CSMD1: variants seen among roughly 807,000 people sequenced by gnomAD.
CSMD1 encodes the protein CUB and Sushi multiple domains 1.
A neutral mutation model predicts 417.5 loss-of-function variants in CSMD1; 213 were observed. That is an observed-to-expected ratio of 0.51 (90% confidence interval 0.46 to 0.57). The LOEUF (loss-of-function observed/expected upper bound fraction) is 0.57. CSMD1 is among the 20% of genes least tolerant of loss of function. The pLI is 0.00. For missense variants in CSMD1, 6,923 were observed against 4,529.7 expected (o/e 1.53, Z -15.17); for synonymous variants, 2,862 against 1,736.8 (o/e 1.65, Z -16.11).
rs141792265 is a variant in CSMD1, at chr8:4,409,376, A to G, written c.415+10577T>C. Among the ~76,000 whole-genome samples, 10 of 152,274 alleles carry G rather than the reference A, an allele frequency of 6.6e-5. No homozygotes were observed. In the East Asian group the frequency reaches 1.7e-3, roughly 26 times the overall value. On this transcript the variant is annotated intron_variant, in intron 3 of 69. Coordinates refer to ENST00000635120, the MANE Select transcript of CSMD1 (RefSeq NM_033225.6). Reference sequence around the variant, plus strand: ...CTCCTCGAATTGCCTCAGACTAACAAAAGATAATTTACCCTTTCTCAGTGA... The same window carrying G: ...CTCCTCGAATTGCCTCAGACTAACAGAAGATAATTTACCCTTTCTCAGTGA...
intron 2 of CSMD1, 71 bp from the exon 3 acceptor site, chr8:4,420,136 G>C: frequency 3.8e-6 from 4 of 1,064,788 alleles, no homozygotes; most frequent in Admixed American, 2.0e-5. Context: ...ATTTGATGAA[G>C]TCACTGAATA....
chr8:4,725,727 G>A (rs1330978049), intron 1 of CSMD1, among the ~76,000 whole-genome samples: 1 of 152,132 alleles, frequency 6.6e-6, no homozygotes, highest in Non-Finnish European at 1.5e-5. Context: ...AGATAACAGA[G>A]AAACAATTTG....
chr8:3,172,059 C>T (rs561089761), intron 37 of CSMD1, among the ~76,000 whole-genome samples: 10 of 152,188 alleles, frequency 6.6e-5, no homozygotes, highest in Non-Finnish European at 1.3e-4. Context: ...TGAGAATTCC[C>T]TTATGCAGTA....
chr8:4,521,756 A>G (rs1381667064), intron 2 of CSMD1, among the ~76,000 whole-genome samples: 1 of 152,190 alleles, frequency 6.6e-6, no homozygotes, highest in Admixed American at 6.6e-5. Flanking sequence ...GGCATAGATT[A>G]GAGAAAGCTC....
intron 5 of CSMD1, among the ~76,000 whole-genome samples, chr8:3,765,096 A>G (rs1434232778): frequency 6.6e-6 from 1 of 152,102 alleles, no homozygotes; most frequent in Non-Finnish European, 1.5e-5. Flanking sequence ...ACACCCTTAA[A>G]AAGAGGTCAA....
Position 3,491,000 on chromosome 8 carries a change from G to T in CSMD1, c.1448+2623C>A, listed in dbSNP as rs141191059. 3.9e-5 allele frequency among the ~76,000 whole-genome samples: 6 copies of T among 152,204 alleles called. No homozygotes were observed. The East Asian group carries it at 9.6e-4, about 24-fold the overall frequency. ...TTTCAGGGGGGATAATTGGAGAAACGTAACAATGTAAATGAAGATGCCTCT... is the reference window on the plus strand; with the variant it reads ...TTTCAGGGGGGATAATTGGAGAAACTTAACAATGTAAATGAAGATGCCTCT... On this transcript the variant is annotated intron_variant, in intron 11 of 69. Transcript: ENST00000635120.
At chr8:4,463,040 A>G (rs548297338) in intron 2 of CSMD1, among the ~76,000 whole-genome samples, 48 of 152,358 alleles carry the variant, frequency 3.2e-4, no homozygotes, top group Non-Finnish European at 3.7e-4. Flanking sequence ...TGCAAATTAT[A>G]TAAAATATAA....
intron 3 of CSMD1, among the ~76,000 whole-genome samples, chr8:4,277,513 G>A (rs1796554204): frequency 6.6e-6 from 1 of 151,998 alleles, no homozygotes; most frequent in Non-Finnish European, 1.5e-5. Flanking sequence ...CTGGTGCCAT[G>A]TTTTTCTTTT....
At chr8:3,749,009 A>C (rs717427) in intron 6 of CSMD1, among the ~76,000 whole-genome samples, 23,497 of 152,184 alleles carry the variant, frequency 0.15, 1,823 homozygotes, top group Middle Eastern at 0.18. Flanking sequence ...GAAAATTGTA[A>C]TTTTATAAAC....
intron 1 of CSMD1, among the ~76,000 whole-genome samples, chr8:4,848,839 C>A (rs999764565): frequency 1.3e-5 from 2 of 152,200 alleles, no homozygotes; most frequent in Non-Finnish European, 2.9e-5. Context: ...CCAACGCGCC[C>A]AACCCAGTAC....
At chr8:3,775,785 G>C (rs1798858107) in intron 5 of CSMD1, among the ~76,000 whole-genome samples, 1 of 152,226 alleles carries the variant, frequency 6.6e-6, no homozygotes, top group African/African-American at 2.4e-5. Context: ...GGTCCACGAA[G>C]CATTGCTGGG....
chr8:3,530,288 T>G (rs2117504203), intron 10 of CSMD1, among the ~76,000 whole-genome samples: 1 of 152,316 alleles, frequency 6.6e-6, no homozygotes, highest in Non-Finnish European at 1.5e-5. Context: ...AATGTGATGG[T>G]TTACAGCTAC....
At chr8:4,939,189 C>T (rs186447028) in intron 1 of CSMD1, among the ~76,000 whole-genome samples, 71 of 152,254 alleles carry the variant, frequency 4.7e-4, no homozygotes, top group African/African-American at 1.5e-3. Context: ...AGAAAATCCA[C>T]GTACACTGTT....
intron 1 of CSMD1, among the ~76,000 whole-genome samples, chr8:4,702,730 T>A (rs574841195): frequency 2.8e-4 from 43 of 152,280 alleles, no homozygotes; most frequent in Non-Finnish European, 5.6e-4. Context: ...GTGTAGAGTT[T>A]CTTGTCTATT....
At chr8:4,011,966 C>A (rs775502461) in intron 4 of CSMD1, among the ~76,000 whole-genome samples, 4 of 151,694 alleles carry the variant, frequency 2.6e-5, no homozygotes, top group Non-Finnish European at 5.9e-5. Flanking sequence ...ATTTATAATA[C>A]CAAATATAAA....
intron 1 of CSMD1, among the ~76,000 whole-genome samples, chr8:4,807,943 G>C (rs1234189384): frequency 6.6e-6 from 1 of 152,138 alleles, no homozygotes; most frequent in East Asian, 1.9e-4. Flanking sequence ...ATTCAATAAA[G>C]CCCACCCTCA....
At position 4,376,037 on chromosome 8, in the gene CSMD1, G is replaced by C. The variant is rs146288982; in HGVS notation, c.415+43916C>G. On this transcript the variant is annotated intron_variant, in intron 3 of 69. Transcript: ENST00000635120. ...TATGGTGGAAAATGCCCGTCTTTAAGTCTTGATATCTATACTGAAGCTAGA... is the reference window on the plus strand; with the variant it reads ...TATGGTGGAAAATGCCCGTCTTTAACTCTTGATATCTATACTGAAGCTAGA... 4.3e-4 allele frequency among the ~76,000 whole-genome samples: 66 copies of C among 152,244 alleles called. No individual in the cohort carries two copies. The East Asian group carries it at 9.8e-3, about 23-fold the overall frequency.
At chr8:3,682,417 T>C (rs923641488) in intron 7 of CSMD1, among the ~76,000 whole-genome samples, 71 of 152,168 alleles carry the variant, frequency 4.7e-4, no homozygotes, top group Non-Finnish European at 7.3e-5. Context: ...ATGACCTTTA[T>C]GCAGCCAACA....
intron 5 of CSMD1, among the ~76,000 whole-genome samples, chr8:3,788,798 C>T (rs1316023059): frequency 6.6e-6 from 1 of 152,192 alleles, no homozygotes; most frequent in African/African-American, 2.4e-5. Flanking sequence ...AATCAATACA[C>T]AGGACAGACG....
Sources: allele counts gnomAD v4.1 joint callset (sites outside exome capture counted in the v4.1 genomes callset), GRCh38; gene constraint gnomAD v4.1.1; transcripts MANE v1.5; gene names NCBI Gene and HGNC (gene_info 2026-07-23, HGNC 2026-07-21).